The following SPINK9 variants were observed in gnomAD, a reference collection of about 807,000 sequenced individuals.
SPINK9 encodes serine peptidase inhibitor Kazal type 9.
Under a neutral mutation model 10.8 loss-of-function variants are expected in SPINK9, and 3 were observed. That is an observed-to-expected ratio of 0.28 (90% CI 0.13 to 0.72). The LOEUF (loss-of-function observed/expected upper bound fraction) is 0.72. SPINK9 is among the 30% of genes least tolerant of loss of function. The pLI, the probability that SPINK9 is intolerant of heterozygous loss-of-function variation, is 0.74. For missense variants in SPINK9, 101 were observed against 103.2 expected, an observed-to-expected ratio of 0.98 and a Z score of 0.09; for synonymous variants, 30 against 31.2, an observed-to-expected ratio of 0.96 and a Z score of 0.12.
chr5:148,328,785 G>C (rs60578458), intron 2 of SPINK9, among the ~76,000 whole-genome samples: 1 of 152,138 alleles, frequency 6.6e-6, no homozygotes, highest in Non-Finnish European at 1.5e-5. Context: ...CTTTGGTTCT[G>C]TTTATATGCT....
chr5:148,322,745 G>C (rs763089700), intron 1 of SPINK9, among the ~76,000 whole-genome samples: 1 of 152,106 alleles, frequency 6.6e-6, no homozygotes, highest in African/African-American at 2.4e-5. Context: ...TCTAAATAAC[G>C]TTTGTTCTGC....
At chr5:148,329,718 T>A (rs1251392397) in intron 2 of SPINK9, among the ~76,000 whole-genome samples, 15 of 152,224 alleles carry the variant, frequency 9.9e-5, no homozygotes, top group Middle Eastern at 3.2e-3. Context: ...TTGTTCTCGT[T>A]GGTTTCAAAG....
At chr5:148,326,666 C>T (rs950521719) in intron 2 of SPINK9, among the ~76,000 whole-genome samples, 1 of 151,948 alleles carries the variant, frequency 6.6e-6, no homozygotes, top group African/African-American at 2.4e-5. Context: ...CCTCCCCCTG[C>T]CCCCACCCCA....
At chr5:148,329,191 T>A (rs920292360) in intron 2 of SPINK9, among the ~76,000 whole-genome samples, 1 of 152,200 alleles carries the variant, frequency 6.6e-6, no homozygotes, top group African/African-American at 2.4e-5. Flanking sequence ...GAGCCTGTTA[T>A]TGGTCTATTC....
chr5:148,323,860 A>T (rs913924264), exon 2 of SPINK9: 1 of 700,078 alleles, frequency 1.4e-6, no homozygotes, highest in African/African-American at 1.7e-5. Flanking sequence ...CAACCTGAAC[A>T]TTTACAAGGT....
chr5:148,331,429 T>A (rs1179786159), upstream of SPINK9, among the ~76,000 whole-genome samples: 2 of 152,086 alleles, frequency 1.3e-5, no homozygotes, highest in African/African-American at 4.8e-5. Flanking sequence ...AGAATCAAAC[T>A]CATAGTAGGA....
intron 2 of SPINK9, among the ~76,000 whole-genome samples, chr5:148,327,954 T>C (rs76159892): frequency 0.34 from 50,530 of 147,330 alleles, 8,739 homozygotes; most frequent in East Asian, 0.55. Context: ...CCTCCAGCTT[T>C]GTTCTTTTGG....
chr5:148,334,442 G>A (rs897083554), upstream of SPINK9, among the ~76,000 whole-genome samples: 1 of 152,188 alleles, frequency 6.6e-6, no homozygotes, highest in African/African-American at 2.4e-5. Context: ...TGGGCACAGA[G>A]GTTCATGCCT....
chr5:148,328,879 T>G (rs539392621), intron 2 of SPINK9, among the ~76,000 whole-genome samples: 1 of 152,318 alleles, frequency 6.6e-6, no homozygotes, highest in South Asian at 2.1e-4. Flanking sequence ...GATAAGCTTT[T>G]TGATGTGTTG....
At chr5:148,336,613 T>C (rs1757220808) in intron 2 of SPINK9, among the ~76,000 whole-genome samples, 160 bp downstream of exon 2, 1 of 152,234 alleles carries the variant, frequency 6.6e-6, no homozygotes, top group Non-Finnish European at 1.5e-5. Flanking sequence ...CTTTCTAAAA[T>C]GGAGAGAGTA....
intron 2 of SPINK9, among the ~76,000 whole-genome samples, chr5:148,337,859 A>G (rs1446161018): frequency 1.3e-5 from 2 of 152,154 alleles, no homozygotes; most frequent in African/African-American, 4.8e-5. Flanking sequence ...GATTTTTTAA[A>G]AAATATGAAA....
exon 2 of SPINK9, chr5:148,323,830 G>A (rs1351792015): frequency 1.4e-4 from 95 of 701,416 alleles, no homozygotes; most frequent in Non-Finnish European, 2.1e-5. Flanking sequence ...AATGAACCCA[G>A]GAGACTCATG....
At chr5:148,326,237 G>A (rs909180081) in intron 2 of SPINK9, among the ~76,000 whole-genome samples, 1 of 152,174 alleles carries the variant, frequency 6.6e-6, no homozygotes, top group African/African-American at 2.4e-5. Flanking sequence ...TCAAAAAGAT[G>A]AAAGATAACA....
chr5:148,332,501 C>G (rs1561767660), upstream of SPINK9, among the ~76,000 whole-genome samples: 2 of 152,150 alleles, frequency 1.3e-5, no homozygotes, highest in Non-Finnish European at 2.9e-5. Context: ...GATGAGCATT[C>G]ACGACAGATA....
chr5:148,333,441 G>T (rs1757176184), upstream of SPINK9, among the ~76,000 whole-genome samples: 1 of 152,238 alleles, frequency 6.6e-6, no homozygotes, highest in Non-Finnish European at 1.5e-5. Context: ...AACGGGGCTA[G>T]CCCATAGGCA....
At position 148,335,621 on chromosome 5, in the gene SPINK9, C is replaced by G; in HGVS notation, c.8C>G (p.Ala3Gly). 6.2e-7 allele frequency: 1 copy of G among 1,613,582 alleles called. No homozygotes were observed. Among genetic ancestry groups the G allele is most frequent in the Non-Finnish European group, 8.5e-7 (1 of 1,179,806 alleles). MR[A>G]TAIVLLLALT... ...CTTGGCCACTTCAGTACTATGAGAG[C>G]AACAGCCATAGTCCTACTCTTGGCT... Residue 3 changes from alanine (A) to glycine (G), a missense_variant, in exon 1 of 4, where the codon GCA (alanine) becomes GGA (glycine). Coordinates refer to ENST00000377906, the MANE Select transcript of SPINK9 (RefSeq NM_001040433.2).
upstream of SPINK9, among the ~76,000 whole-genome samples, chr5:148,331,585 A>C (rs115700515): frequency 6.5e-3 from 984 of 152,298 alleles, 11 homozygotes; most frequent in African/African-American, 0.023. Context: ...TGTTAATAAT[A>C]ACGTATTCTA....
chr5:148,339,812 T>A lies in SPINK9; in HGVS notation c.*100T>A, dbSNP rs985871926. ...ATGCCACATTGCCTACTCATCACCA[T>A]ATGTAGATTTCTTTGTAGAATAAAG... On this transcript the variant is annotated 3_prime_UTR_variant, in exon 4 of 4. Transcript: ENST00000377906. The A allele has an allele frequency of 1.3e-5, 12 of 931,522 alleles. No individual in the cohort carries two copies. In the Middle Eastern group the frequency reaches 2.1e-3, roughly 161 times the overall value. 57.7% of individuals were successfully genotyped at this position (931,522 alleles called of 1,614,324 possible).
Position 148,339,683 on chromosome 5 carries a change from C to T in SPINK9, c.232C>T (p.Leu78Phe). 6.2e-7 allele frequency: 1 copy of T among 1,612,728 alleles called. No individual in the cohort carries two copies. The change falls in exon 4 of 4, where the codon CTT becomes TTT. Residue 78 changes from leucine (L) to phenylalanine (F), a missense_variant. By Grantham distance (22) the Leu-to-Phe change is conservative (BLOSUM62 0). Transcript: ENST00000377906. ...TCTCCACAGGAAAACTGACGGCACACTTAAATTTGTACATTTTGGAAAATG... is the reference window on the plus strand; with the variant it reads ...TCTCCACAGGAAAACTGACGGCACATTTAAATTTGTACATTTTGGAAAATG... The part of the protein sequence containing the change: ...CSKVKKTDGT[L>F]KFVHFGKC
Sources: allele counts gnomAD v4.1 joint callset (sites outside exome capture counted in the v4.1 genomes callset), GRCh38; gene constraint gnomAD v4.1.1; transcripts MANE v1.5; gene names NCBI Gene and HGNC (gene_info 2026-07-23, HGNC 2026-07-21).